Variants in GPAT3 observed in about 807,000 individuals in gnomAD.
GPAT3 encodes glycerol-3-phosphate acyltransferase 3.
A neutral mutation model predicts 58.8 loss-of-function variants in GPAT3; 53 were observed. The observed-to-expected ratio is 0.90, with a 90% CI of 0.72 to 1.13. The LOEUF (loss-of-function observed/expected upper bound fraction) is 1.13. Among genes scored for constraint, GPAT3 ranks in the 50% most tolerant of loss-of-function variants. The probability of loss-of-function intolerance (pLI) is 0.00; values close to 1 mark genes in which losing one functional copy is unlikely to be tolerated. For synonymous variants in GPAT3, 197 were observed against 187.4 expected (o/e 1.05, Z -0.42); for missense variants, 511 against 527.6 (o/e 0.97, Z 0.31).
At chr4:83,596,192 C>T (rs1340896102) in intron 7 of GPAT3, among the ~76,000 whole-genome samples, 1 of 152,160 alleles carries the variant, frequency 6.6e-6, no homozygotes, top group Non-Finnish European at 1.5e-5. Flanking sequence ...CCAATATTCC[C>T]ATTTTTCAGA....
At chr4:83,602,549 C>G (rs1027941304) in intron 11 of GPAT3, among the ~76,000 whole-genome samples, 4 of 141,316 alleles carry the variant, frequency 2.8e-5, no homozygotes, top group Admixed American at 1.5e-4. Context: ...ATGGCTGCTC[C>G]CTCTCTTAAG....
intron 2 of GPAT3, among the ~76,000 whole-genome samples, chr4:83,571,578 A>T (rs961330677): frequency 6.6e-6 from 1 of 151,742 alleles, no homozygotes; most frequent in Non-Finnish European, 1.5e-5. Context: ...ACATTGCAGA[A>T]GTATAAATAA....
At chr4:83,569,562 G>A (rs550865865) in intron 2 of GPAT3, among the ~76,000 whole-genome samples, 2 of 152,238 alleles carry the variant, frequency 1.3e-5, no homozygotes, top group South Asian at 4.1e-4. Flanking sequence ...TGTGAGATGT[G>A]TAGGGAAGCT....
chr4:83,546,473 C>T (rs1724515832), intron 2 of GPAT3, among the ~76,000 whole-genome samples: 1 of 148,108 alleles, frequency 6.8e-6, no homozygotes, highest in Non-Finnish European at 1.5e-5. Flanking sequence ...TGTCAAATAT[C>T]TGCTTTTTCT....
At chr4:83,581,158 T>C in intron 2 of GPAT3, among the ~76,000 whole-genome samples, 1 of 151,836 alleles carries the variant, frequency 6.6e-6, no homozygotes, top group Admixed American at 6.6e-5. Flanking sequence ...CTTTTGCCAT[T>C]TTGCTTGCTT....
chr4:83,545,964 T>A (rs1724489590), intron 2 of GPAT3, among the ~76,000 whole-genome samples: 1 of 152,118 alleles, frequency 6.6e-6, no homozygotes, highest in Non-Finnish European at 1.5e-5. Context: ...TTAATTTTCT[T>A]ATTTAAATTA....
chr4:83,596,737 T>TA (rs1726855177), intron 7 of GPAT3, 121 bp from the exon 8 acceptor site: 3 of 734,496 alleles, frequency 4.1e-6, no homozygotes, highest in Non-Finnish European at 7.0e-6. Context: ...CTTTTACCTG[T>TA]ATCTCAATTA....
chr4:83,551,607 C>T (rs1018893989), intron 2 of GPAT3, among the ~76,000 whole-genome samples: 36 of 152,022 alleles, frequency 2.4e-4, no homozygotes, highest in African/African-American at 8.7e-4. Context: ...TCCTGGCCAA[C>T]ATGGTGAAAC....
intron 2 of GPAT3, among the ~76,000 whole-genome samples, chr4:83,577,408 CA>C (rs1446265623): frequency 2.0e-5 from 3 of 152,164 alleles, no homozygotes; most frequent in Non-Finnish European, 4.4e-5. Context: ...TTGATAATTA[CA>C]ATTTGGTTAA....
At chr4:83,584,785 C>T (rs375240271) in intron 3 of GPAT3, among the ~76,000 whole-genome samples, 58 of 152,294 alleles carry the variant, frequency 3.8e-4, no homozygotes, top group African/African-American at 1.3e-3. Flanking sequence ...GGATTACAGG[C>T]GTGAGCCAGT....
At chr4:83,572,891 A>G (rs1406334885) in intron 2 of GPAT3, among the ~76,000 whole-genome samples, 3 of 152,156 alleles carry the variant, frequency 2.0e-5, no homozygotes, top group Non-Finnish European at 4.4e-5. Context: ...AATGGTTTGG[A>G]TTTGGTATAT....
chr4:83,542,997 C>T (rs1578158267), intron 1 of GPAT3, among the ~76,000 whole-genome samples: 1 of 151,154 alleles, frequency 6.6e-6, no homozygotes, highest in Non-Finnish European at 1.5e-5. Flanking sequence ...AAAACTCCTT[C>T]TCAAAAAGTA....
chr4:83,548,137 A>T (rs1053745101), intron 2 of GPAT3, among the ~76,000 whole-genome samples: 34 of 152,362 alleles, frequency 2.2e-4, no homozygotes, highest in African/African-American at 7.7e-4. Context: ...TGAAAGCAGA[A>T]GTGCTAGAGC....
At chr4:83,545,922 T>TA (rs1430490789) in intron 2 of GPAT3, among the ~76,000 whole-genome samples, 1 of 152,192 alleles carries the variant, frequency 6.6e-6, no homozygotes, top group African/African-American at 2.4e-5. Flanking sequence ...GTGATTGTGG[T>TA]ACATGTTTTG....
intron 2 of GPAT3, among the ~76,000 whole-genome samples, chr4:83,555,431 C>A (rs1724912625): frequency 6.6e-6 from 1 of 151,998 alleles, no homozygotes; most frequent in South Asian, 2.1e-4. Context: ...ATGAAGCTTC[C>A]ATAAAAACTA....
At chr4:83,598,264 C>T in intron 10 of GPAT3, 85 bp downstream of exon 10, 1 of 1,536,222 alleles carries the variant, frequency 6.5e-7, no homozygotes, top group Non-Finnish European at 8.7e-7. Context: ...TTCTCCATGT[C>T]ATGCTTTTCT....
At chr4:83,559,845 G>C (rs909271661) in intron 2 of GPAT3, among the ~76,000 whole-genome samples, 2 of 152,202 alleles carry the variant, frequency 1.3e-5, no homozygotes, top group Non-Finnish European at 1.5e-5. Flanking sequence ...GTAGGCTGGG[G>C]AGATGGAAGT....
chr4:83,550,403 C>CTGATGATGATGA (rs546600558), intron 2 of GPAT3, among the ~76,000 whole-genome samples: 1 of 151,474 alleles, frequency 6.6e-6, no homozygotes, highest in African/African-American at 2.4e-5. Flanking sequence ...AATATTGTGT[C>CTGATGATGATGA]TGATGATGAT....
chr4:83,567,573 A>G (rs1725447058), intron 2 of GPAT3, among the ~76,000 whole-genome samples: 1 of 152,180 alleles, frequency 6.6e-6, no homozygotes, highest in African/African-American at 2.4e-5. Context: ...TGATTAGTGT[A>G]TTACTTACCT....
Sources: allele counts gnomAD v4.1 joint callset (sites outside exome capture counted in the v4.1 genomes callset), GRCh38; gene constraint gnomAD v4.1.1; transcripts MANE v1.5; gene names NCBI Gene and HGNC (gene_info 2026-07-23, HGNC 2026-07-21).